The following IGSF6 variants were observed in gnomAD, a reference collection of about 807,000 sequenced individuals.
IGSF6 encodes immunoglobulin superfamily member 6.
Under a neutral mutation model 24.7 loss-of-function variants are expected in IGSF6, and 23 were observed. That is an observed-to-expected ratio of 0.93 (90% CI 0.67 to 1.32). The LOEUF is 1.32. Ranked by LOEUF, IGSF6 falls within the 40% of genes most tolerant of loss-of-function variation. The pLI, the probability that IGSF6 is intolerant of heterozygous loss-of-function variation, is 0.00. For synonymous variants in IGSF6, 110 were observed against 113.7 expected, an observed-to-expected ratio of 0.97 and a Z score of 0.21; for missense variants, 295 against 293.6, an observed-to-expected ratio of 1.00 and a Z score of -0.04.
At chr16:21,652,428 T>A (rs1001735121) in intron 1 of IGSF6, 104 bp downstream of exon 1, 1 of 849,006 alleles carries the variant, frequency 1.2e-6, no homozygotes, top group African/African-American at 1.7e-5. Flanking sequence ...CATAATGTTA[T>A]ACATTTAAAA....
intron 1 of IGSF6, 32 bp downstream of exon 1, chr16:21,652,499 TA>T: frequency 6.4e-7 from 1 of 1,551,008 alleles, no homozygotes; most frequent in Non-Finnish European, 8.8e-7. Flanking sequence ...TTGATTTAAA[TA>T]AAATGAAGGA....
intron 2 of IGSF6, chr16:21,646,500 A>C (rs1966432928): frequency 6.3e-6 from 1 of 158,434 alleles, no homozygotes. Context: ...ATAGTTACTC[A>C]CCACAAGGTT....
At chr16:21,646,820 T>A (rs1966441316) in intron 2 of IGSF6, 1 of 362,982 alleles carries the variant, frequency 2.8e-6, no homozygotes, top group Non-Finnish European at 5.4e-6. Flanking sequence ...CATGCGCGGC[T>A]AATTTTTGTA....
intron 1 of IGSF6, among the ~76,000 whole-genome samples, chr16:21,649,675 T>C (rs986188539): frequency 6.6e-6 from 1 of 152,178 alleles, no homozygotes; most frequent in South Asian, 2.1e-4. Context: ...ATTTGTAAAA[T>C]TATTTTTAAA....
rs769652733 is a variant in IGSF6 at position 21,643,048 on chromosome 16, A to AT, written c.666+25dup. ...AAACGTGCTTTATATCTGTATTTAC[A>AT]TTTTTTTTTGACATTTTACACTTAC... is the stretch of plus-strand genomic sequence containing the variant. On this transcript the variant is annotated intron_variant, in intron 5 of 5. Transcript: ENST00000268389. The AT allele has an allele frequency of 5.1e-3, 7,482 of 1,455,406 alleles. 198 individuals carry two copies. In the African/African-American group the frequency reaches 0.079, roughly 15 times the overall value. 90.2% of individuals were successfully genotyped at this position (1,455,406 alleles called of 1,614,324 possible).
chr16:21,647,182 C>G lies in IGSF6; in HGVS notation c.378G>C (p.Pro126=). The change falls in exon 2 of 6, where the codon CCG becomes CCC. Residue 126 remains proline, a synonymous_variant. Coordinates refer to ENST00000268389, the MANE Select transcript of IGSF6 (RefSeq NM_005849.4). The part of the protein sequence containing the change: ...YICGIAFPSV[P]EARAKQTGGG... ...CTCCTGTCTGTTTAGCTCTCGCTTCCGGCACACTGGGGAATGCTATTCCAC... is the reference window on the plus strand; with the variant it reads ...CTCCTGTCTGTTTAGCTCTCGCTTCGGGCACACTGGGGAATGCTATTCCAC... The G allele has an allele frequency of 6.2e-7, 1 of 1,614,126 alleles. No homozygotes were observed. The highest frequency in any genetic ancestry group is 8.5e-7 in the Non-Finnish European group (1 of 1,180,002).
Position 21,644,372 on chromosome 16 carries a change from A to C in IGSF6, c.452T>G (p.Leu151Arg), listed in dbSNP as rs757872746. 6.2e-7 allele frequency: 1 copy of C among 1,613,752 alleles called. No individual in the cohort carries two copies. The change falls in exon 3 of 6, where the codon CTG becomes CGG. Residue 151 changes from leucine (L) to arginine (R), a missense_variant. Coordinates refer to ENST00000268389, the MANE Select transcript of IGSF6 (RefSeq NM_005849.4). The part of the protein sequence containing the change: ...VREIKLLSKE[L>R]RSFLTALVSL... ...TACAAGAGCTGTCAGGAAGCTCCGC[A>C]GTTCCTTGCTGAGCAGCTTAATTTC...
At chr16:21,643,678 G>T in intron 3 of IGSF6, 80 bp from the exon 4 acceptor site, 1 of 883,828 alleles carries the variant, frequency 1.1e-6, no homozygotes, top group South Asian at 1.5e-5. Context: ...GCCCTAATAA[G>T]ATTAAACTAA....
Position 21,647,297 on chromosome 16 carries a change from T to G in IGSF6, c.263A>C (p.Asp88Ala), listed in dbSNP as rs563502288. 1.9e-5 allele frequency: 31 copies of G among 1,614,220 alleles called. No individual in the cohort carries two copies. In the African/African-American group the frequency reaches 3.6e-4, roughly 19 times the overall value. The change falls in exon 2 of 6, where the codon GAC becomes GCC. Residue 88 changes from aspartate to alanine, a missense_variant. Coordinates refer to ENST00000268389, the MANE Select transcript of IGSF6 (RefSeq NM_005849.4). ...GAGGGCCTCCCTCACTGTGAACTTG[T>G]CTGCCTCACTTTTGCACCCGTCCAA... ...LCLDGCKSEADKFTVREALKE... is the reference protein window; with the variant it reads ...LCLDGCKSEAAKFTVREALKE...
chr16:21,652,577 T>C lies in IGSF6; in HGVS notation c.22A>G (p.Asn8Asp). 6.2e-7 allele frequency: 1 copy of C among 1,610,726 alleles called. No individual in the cohort carries two copies. Among genetic ancestry groups the C allele is most frequent in the Non-Finnish European group, 8.5e-7 (1 of 1,178,412 alleles). The change falls in exon 1 of 6, where the codon AAC becomes GAC. Residue 8 changes from asparagine (N) to aspartate (D), a missense_variant. Asn to Asp is a conservative substitution (Grantham distance 23). Transcript: ENST00000268389. MGTASRS[N>D]IARHLQTNLI... ...TTGGTTTGCAGATGGCGAGCGATGT[T>C]GCTTCTGCTCGCAGTCCCCATTTCT...
intron 4 of IGSF6, 123 bp from the exon 5 acceptor site, chr16:21,643,277 C>T: frequency 1.4e-6 from 1 of 715,756 alleles, no homozygotes; most frequent in Non-Finnish European, 2.5e-6. Flanking sequence ...TCCCCCAACA[C>T]ATATGTGCCT....
intron 1 of IGSF6, among the ~76,000 whole-genome samples, chr16:21,651,291 C>G (rs929489065): frequency 1.3e-5 from 2 of 152,080 alleles, no homozygotes; most frequent in Non-Finnish European, 2.9e-5. Context: ...AAAGCTGTCT[C>G]TCTATCTAGT....
chr16:21,643,130 G>A lies in IGSF6; in HGVS notation c.610C>T (p.Gln204Ter). 6.2e-7 allele frequency: 1 copy of A among 1,607,732 alleles called. No homozygotes were observed. The highest frequency in any genetic ancestry group is 8.5e-7 in the Non-Finnish European group (1 of 1,177,474). ...QKKKSARRIF[Q>*]EIAQELYHKR... ...TGGTATAGTTCTTGAGCAATTTCCTGAAAAATACGCCGAGCACTCTTCTTC... is the reference window on the plus strand; with the variant it reads ...TGGTATAGTTCTTGAGCAATTTCCTAAAAAATACGCCGAGCACTCTTCTTC... Residue 204 changes from glutamine to a stop codon, truncating the protein, a stop_gained, in exon 5 of 6, where the codon CAG (glutamine) becomes TAG (stop). Transcript: ENST00000268389. LOFTEE classifies it high-confidence loss of function.
intron 3 of IGSF6, 37 bp from the exon 4 acceptor site, chr16:21,643,635 A>G: frequency 1.4e-6 from 2 of 1,409,948 alleles, no homozygotes; most frequent in Non-Finnish European, 2.0e-6. Context: ...GAAACATTTT[A>G]TGTACTCATA....
intron 1 of IGSF6, chr16:21,652,261 A>G (rs1966596857): frequency 9.8e-6 from 3 of 304,856 alleles, no homozygotes; most frequent in Non-Finnish European, 1.2e-5. Context: ...ACTTATACCT[A>G]CGATTTTAAG....
chr16:21,651,076 A>G (rs929072560), intron 1 of IGSF6, among the ~76,000 whole-genome samples: 1 of 152,090 alleles, frequency 6.6e-6, no homozygotes, highest in Admixed American at 6.5e-5. Context: ...ACAAAAAATT[A>G]GCCGGGTGTG....
intron 1 of IGSF6, among the ~76,000 whole-genome samples, chr16:21,651,230 CA>C (rs1199267762): frequency 1.3e-5 from 2 of 151,876 alleles, no homozygotes; most frequent in African/African-American, 4.8e-5. Context: ...CTCAAACAAA[CA>C]AAAAAGCCAT....
At chr16:21,647,555 A>G in intron 1 of IGSF6, 63 bp from the exon 2 acceptor site, 1 of 1,536,954 alleles carries the variant, frequency 6.5e-7, no homozygotes, top group Non-Finnish European at 8.7e-7. Context: ...CTTTTATTAT[A>G]TTTTTGAGGT....
In IGSF6 at chr16:21,650,423, G is replaced by A. The variant is rs1399140038; in HGVS notation, c.67+2109C>T. ...CTTGGGAGGCTGAAGCAGGAGAATC[G>A]CTTGAACGTAGGAGGTGGAGGTTGC... On this transcript the variant is annotated intron_variant, in intron 1 of 5. Coordinates refer to ENST00000268389, the MANE Select transcript of IGSF6 (RefSeq NM_005849.4). Among the ~76,000 whole-genome samples the A allele has an allele frequency of 1.3e-4, 19 of 149,716 alleles. 1 individual carries two copies. The highest frequency in any genetic ancestry group is 9.8e-5 in the African/African-American group (4 of 40,718).
Sources: gnomAD v4.1 joint callset for allele counts (sites outside exome capture counted in the v4.1 genomes callset) on GRCh38, gnomAD v4.1.1 for gene constraint, MANE v1.5 for transcripts, NCBI Gene and HGNC (gene_info 2026-07-23, HGNC 2026-07-21) for gene names.